Variants in DLGAP2 observed in about 807,000 individuals in gnomAD.
DLGAP2 encodes disks large-associated protein 2.
A neutral mutation model predicts 100.3 loss-of-function variants in DLGAP2; 26 were observed. The ratio of observed to expected loss-of-function variants is 0.26; its 90% CI spans 0.19 to 0.36. DLGAP2 has a LOEUF of 0.36. DLGAP2 is among the 10% of genes least tolerant of loss of function. DLGAP2 has a pLI of 1.00. For synonymous variants in DLGAP2, 886 were observed against 630.1 expected, an observed-to-expected ratio of 1.41 and a Z score of -6.08; for missense variants, 1,858 against 1,453.2, an observed-to-expected ratio of 1.28 and a Z score of -4.53.
chr8:1,243,050 C>T (rs1338470747), intron 2 of DLGAP2, among the ~76,000 whole-genome samples: 1 of 152,194 alleles, frequency 6.6e-6, no homozygotes, highest in Non-Finnish European at 1.5e-5. Flanking sequence ...TTGCCAGCTC[C>T]CTCCTTTGTT....
chr8:1,489,340 T>A (rs1447892979), intron 3 of DLGAP2, among the ~76,000 whole-genome samples: 1 of 152,192 alleles, frequency 6.6e-6, no homozygotes, highest in African/African-American at 2.4e-5. Context: ...CACCGGTGAC[T>A]GGCGGAGTGG....
At chr8:1,392,712 T>A (rs1263758380) in intron 3 of DLGAP2, among the ~76,000 whole-genome samples, 2 of 152,204 alleles carry the variant, frequency 1.3e-5, no homozygotes, top group Non-Finnish European at 2.9e-5. Flanking sequence ...CATCTGCGTT[T>A]CAGTGGAAGT....
intron 3 of DLGAP2, among the ~76,000 whole-genome samples, chr8:1,370,351 G>T (rs1039987807): frequency 1.3e-5 from 2 of 152,136 alleles, no homozygotes; most frequent in Non-Finnish European, 2.9e-5. Context: ...CCCTGGGCAG[G>T]TGGGGTTGCA....
intron 3 of DLGAP2, among the ~76,000 whole-genome samples, chr8:1,416,804 T>A (rs113237425): frequency 0.068 from 10,301 of 152,266 alleles, 447 homozygotes; most frequent in East Asian, 0.14. Context: ...CGAGCACCCG[T>A]GCCGGCCTCC....
chr8:1,171,143 A>C (rs1334680357), intron 2 of DLGAP2, among the ~76,000 whole-genome samples: 1 of 152,136 alleles, frequency 6.6e-6, no homozygotes, highest in African/African-American at 2.4e-5. Flanking sequence ...TTATGTACCC[A>C]GTAGTCCTTC....
In DLGAP2 at chr8:1,449,844, G is replaced by T. The variant is rs1303400879; in HGVS notation, c.107-51522G>T. 8.1e-3 allele frequency among the ~76,000 whole-genome samples: 1,098 copies of T among 135,214 alleles called. 6 individuals carry two copies. The highest frequency in any genetic ancestry group is 0.03 in the African/African-American group (1,036 of 35,012). 88.7% of individuals were successfully genotyped at this position (135,214 alleles called of 152,430 possible). On this transcript the variant is annotated intron_variant, in intron 3 of 14. Transcript: ENST00000637795. ...CGGCCTCGGTGGCTGTGACTGTAGC[G>T]GAGCTGTGAGGGTGAAGACGAGGTG...
intron 2 of DLGAP2, among the ~76,000 whole-genome samples, chr8:1,051,249 C>T (rs1014262758): frequency 1.3e-5 from 2 of 152,056 alleles, no homozygotes; most frequent in African/African-American, 4.8e-5. Context: ...CTCCAGAGGC[C>T]TCATTGAAGG....
At chr8:1,220,177 C>G (rs990438696) in intron 2 of DLGAP2, among the ~76,000 whole-genome samples, 4 of 152,040 alleles carry the variant, frequency 2.6e-5, no homozygotes, top group Admixed American at 2.0e-4. Flanking sequence ...TCTTGGTTTT[C>G]TAGTTTCTTT....
chr8:1,658,140 T>C (rs530088740), intron 8 of DLGAP2, among the ~76,000 whole-genome samples: 2 of 152,178 alleles, frequency 1.3e-5, no homozygotes, highest in African/African-American at 4.8e-5. Context: ...CCCTCGTCTT[T>C]TATTATGCAA....
chr8:1,140,632 T>C (rs1459235284), intron 2 of DLGAP2, among the ~76,000 whole-genome samples: 2 of 152,150 alleles, frequency 1.3e-5, no homozygotes, highest in Non-Finnish European at 2.9e-5. Flanking sequence ...GGGAGCTGAC[T>C]TCCTAGGTTG....
At chr8:1,152,759 C>G (rs1459284194) in intron 2 of DLGAP2, among the ~76,000 whole-genome samples, 1 of 152,210 alleles carries the variant, frequency 6.6e-6, no homozygotes, top group Admixed American at 6.5e-5. Context: ...GATGCTGAAG[C>G]TAACGGCTAT....
At chr8:1,305,561 A>G (rs1182640877) in intron 3 of DLGAP2, among the ~76,000 whole-genome samples, 1 of 152,226 alleles carries the variant, frequency 6.6e-6, no homozygotes, top group Non-Finnish European at 1.5e-5. Context: ...TGCTTCACCC[A>G]AATTGAAACT....
chr8:1,255,050 T>C (rs1158679639), intron 2 of DLGAP2, among the ~76,000 whole-genome samples: 6 of 113,252 alleles, frequency 5.3e-5, no homozygotes, highest in Non-Finnish European at 7.5e-5. Flanking sequence ...CCGCTGTGTG[T>C]GTGTCCTCTC....
chr8:771,787 C>A (rs1215324554), intron 1 of DLGAP2, among the ~76,000 whole-genome samples: 1 of 152,200 alleles, frequency 6.6e-6, no homozygotes, highest in Non-Finnish European at 1.5e-5. Context: ...TTTACACTAA[C>A]CATAAAAATT....
chr8:948,210 A>T (rs189534441), intron 2 of DLGAP2, among the ~76,000 whole-genome samples: 71 of 152,194 alleles, frequency 4.7e-4, no homozygotes, highest in Non-Finnish European at 8.7e-4. Context: ...AAGATCTTTC[A>T]CTTTGATTTG....
At chr8:812,333 G>A (rs529830902) in intron 1 of DLGAP2, among the ~76,000 whole-genome samples, 8 of 152,272 alleles carry the variant, frequency 5.3e-5, no homozygotes, top group Admixed American at 3.9e-4. Flanking sequence ...CTGCCCATGG[G>A]GGATGGTGAG....
intron 3 of DLGAP2, among the ~76,000 whole-genome samples, chr8:1,424,548 C>G (rs1002157175): frequency 6.6e-6 from 1 of 152,240 alleles, no homozygotes; most frequent in Non-Finnish European, 1.5e-5. Flanking sequence ...GGACACTATG[C>G]TGAGTGAAAT....
intron 6 of DLGAP2, among the ~76,000 whole-genome samples, chr8:1,585,124 C>A (rs912664649): frequency 6.6e-6 from 1 of 152,104 alleles, no homozygotes; most frequent in East Asian, 1.9e-4. Flanking sequence ...TTCATGAAGA[C>A]CTTAGTTAAG....
intron 6 of DLGAP2, among the ~76,000 whole-genome samples, chr8:1,613,872 A>T (rs2130737874): frequency 6.6e-6 from 1 of 152,274 alleles, no homozygotes; most frequent in East Asian, 1.9e-4. Flanking sequence ...AGCAAATTGA[A>T]TTTTTTAAAA....
Sources: allele counts gnomAD v4.1 joint callset (sites outside exome capture counted in the v4.1 genomes callset), GRCh38; gene constraint gnomAD v4.1.1; transcripts MANE v1.5; gene names NCBI Gene and HGNC (gene_info 2026-07-23, HGNC 2026-07-21).